The following TENM4 variants were observed in gnomAD, a reference collection of about 807,000 sequenced individuals.
TENM4 encodes teneurin transmembrane protein 4, also known as teneurin-4.
Under a neutral mutation model 243.3 loss-of-function variants are expected in TENM4, and 82 were observed. That is an observed-to-expected ratio of 0.34 (90% CI 0.28 to 0.40). TENM4 has a LOEUF of 0.40. Among genes scored for constraint, TENM4 ranks in the 10% least tolerant of loss-of-function variants. TENM4 has a pLI of 1.00. For missense variants in TENM4, 3,138 were observed against 3,673.3 expected (o/e 0.85, Z 3.77); for synonymous variants, 1,412 against 1,456.3 (o/e 0.97, Z 0.69).
chr11:78,819,102 T>A (rs1360481444), intron 12 of TENM4, among the ~76,000 whole-genome samples: 1 of 152,098 alleles, frequency 6.6e-6, no homozygotes, highest in Admixed American at 6.6e-5. Flanking sequence ...TTGAACAAAA[T>A]GTTGCTTGAA....
chr11:79,026,476 A>T (rs1296807104), intron 6 of TENM4, among the ~76,000 whole-genome samples: 1 of 152,180 alleles, frequency 6.6e-6, no homozygotes, highest in Non-Finnish European at 1.5e-5. Context: ...TACCAAAGGC[A>T]TCTGGTAGGA....
chr11:79,002,398 C>A (rs1469777838), intron 6 of TENM4, among the ~76,000 whole-genome samples: 1 of 152,214 alleles, frequency 6.6e-6, no homozygotes, highest in Non-Finnish European at 1.5e-5. Context: ...CTGGCTGGCA[C>A]CACCCATTGG....
At chr11:79,001,332 G>A (rs944837757) in intron 6 of TENM4, among the ~76,000 whole-genome samples, 10 of 152,140 alleles carry the variant, frequency 6.6e-5, no homozygotes, top group African/African-American at 2.4e-4. Flanking sequence ...CAGATGCTGG[G>A]CTGAAGGCGG....
chr11:78,920,610 G>A (rs1397444338), intron 6 of TENM4, among the ~76,000 whole-genome samples: 1 of 151,912 alleles, frequency 6.6e-6, no homozygotes. Context: ...TTCTCCCCGA[G>A]GATGAACTAC....
At chr11:78,670,717 C>T (rs1327513860) in intron 31 of TENM4, among the ~76,000 whole-genome samples, 166 bp from the exon 32 acceptor site, 2 of 152,180 alleles carry the variant, frequency 1.3e-5, no homozygotes, top group East Asian at 1.9e-4. Flanking sequence ...AGGAGTGTCA[C>T]GGGATACTGC....
chr11:78,674,674 A>T (rs57156475), intron 30 of TENM4, among the ~76,000 whole-genome samples: 19,305 of 151,682 alleles, frequency 0.13, 4,018 homozygotes, highest in African/African-American at 0.44. Context: ...CAGACGGGGG[A>T]GCTCAGTGAG....
intron 2 of TENM4, among the ~76,000 whole-genome samples, chr11:79,267,967 C>G (rs1290973124): frequency 6.6e-6 from 1 of 152,180 alleles, no homozygotes; most frequent in Non-Finnish European, 1.5e-5. Context: ...CCTTTCTGTT[C>G]CTATCAAGCG....
At chr11:78,830,526 C>A (rs1857956509) in intron 12 of TENM4, among the ~76,000 whole-genome samples, 1 of 152,232 alleles carries the variant, frequency 6.6e-6, no homozygotes, top group Admixed American at 6.5e-5. Flanking sequence ...GCAGACTCCC[C>A]CCTGCTGAGC....
intron 3 of TENM4, among the ~76,000 whole-genome samples, chr11:79,158,568 A>G (rs1214425437): frequency 2.6e-5 from 4 of 152,220 alleles, no homozygotes; most frequent in Non-Finnish European, 4.4e-5. Context: ...TGTACTCAGT[A>G]AGGATTAGTA....
intron 6 of TENM4, among the ~76,000 whole-genome samples, chr11:78,988,949 T>A (rs1299352426): frequency 1.3e-5 from 2 of 152,234 alleles, no homozygotes; most frequent in Non-Finnish European, 1.5e-5. Flanking sequence ...AGTGCTAGGA[T>A]TGCTGGCTTG....
At chr11:79,292,510 TAGC>T (rs1856373881) in intron 2 of TENM4, among the ~76,000 whole-genome samples, 1 of 152,242 alleles carries the variant, frequency 6.6e-6, no homozygotes, top group Non-Finnish European at 1.5e-5. Flanking sequence ...TACAGCTTCC[TAGC>T]CTTCACCAGC....
intron 9 of TENM4, among the ~76,000 whole-genome samples, chr11:78,882,304 C>T (rs971968880): frequency 6.6e-6 from 1 of 152,240 alleles, no homozygotes; most frequent in Non-Finnish European, 1.5e-5. Flanking sequence ...CTCTACACAT[C>T]TCATGTCCAT....
intron 3 of TENM4, among the ~76,000 whole-genome samples, chr11:79,177,802 C>T (rs976974477): frequency 2.0e-5 from 3 of 152,116 alleles, no homozygotes; most frequent in Non-Finnish European, 4.4e-5. Flanking sequence ...ACAAAGGTGA[C>T]CCAAGGACTG....
At chr11:79,163,192 G>A (rs1862793464) in intron 3 of TENM4, among the ~76,000 whole-genome samples, 1 of 152,108 alleles carries the variant, frequency 6.6e-6, no homozygotes, top group South Asian at 2.1e-4. Context: ...GAGGGAGAGT[G>A]AGAGAAGGAA....
intron 12 of TENM4, among the ~76,000 whole-genome samples, chr11:78,819,918 T>C (rs1183130446): frequency 1.3e-5 from 2 of 152,174 alleles, no homozygotes; most frequent in African/African-American, 2.4e-5. Flanking sequence ...CCTCCTGGCT[T>C]CCCCAGAGGA....
chr11:79,246,707 G>A (rs747987407), intron 2 of TENM4, among the ~76,000 whole-genome samples: 2 of 152,056 alleles, frequency 1.3e-5, no homozygotes, highest in Non-Finnish European at 2.9e-5. Context: ...ATGAAAACAG[G>A]CAAAACAGCT....
chr11:79,246,023 G>A (rs1349370353), intron 2 of TENM4, among the ~76,000 whole-genome samples: 1 of 148,470 alleles, frequency 6.7e-6, no homozygotes, highest in Non-Finnish European at 1.5e-5. Context: ...GAGTGAGAGA[G>A]AAAAAGAGAG....
At chr11:79,150,557 A>G (rs1862486141) in intron 3 of TENM4, among the ~76,000 whole-genome samples, 1 of 152,128 alleles carries the variant, frequency 6.6e-6, no homozygotes, top group Admixed American at 6.6e-5. Context: ...CTCTTCACAA[A>G]TCGTTGCCTT....
At position 78,657,374 on chromosome 11, in the gene TENM4, G is replaced by A. The variant is rs532912871; in HGVS notation, c.*684C>T. 5.8e-5 allele frequency: 23 copies of A among 394,638 alleles called. No individual in the cohort carries two copies. The highest frequency in any genetic ancestry group is 3.9e-4 in the African/African-American group (18 of 46,102). The allele number at this position is 394,638 out of a possible 1,614,324, so 24.4% of individuals were successfully genotyped here. ...CTACACAGGATTTGCAAAAGTGGTA[G>A]GGGGTTTCATTCAGCATCAAAATAG... On this transcript the variant is annotated 3_prime_UTR_variant, in exon 34 of 34. Coordinates refer to ENST00000278550, the MANE Select transcript of TENM4 (RefSeq NM_001098816.3).
Sources: gnomAD v4.1 joint callset for allele counts (sites outside exome capture counted in the v4.1 genomes callset) on GRCh38, gnomAD v4.1.1 for gene constraint, MANE v1.5 for transcripts, NCBI Gene and HGNC (gene_info 2026-07-23, HGNC 2026-07-21) for gene names.